B3GALT1: variants seen among roughly 807,000 people sequenced by gnomAD.
B3GALT1 encodes the protein beta-1,3-galactosyltransferase 1, also known as UDP-Gal:betaGlcNAc beta 1,3-galactosyltransferase, polypeptide 1.
Under a neutral mutation model 23.2 loss-of-function variants are expected in B3GALT1, and 10 were observed. That is an observed-to-expected ratio of 0.43 (90% CI 0.27 to 0.73). The LOEUF is 0.73. B3GALT1 is among the 30% of genes least tolerant of loss of function. The pLI is 0.21. For missense variants in B3GALT1, 299 were observed against 405.4 expected (o/e 0.74, Z 2.25); for synonymous variants, 156 against 141.5 (o/e 1.10, Z -0.73).
rs150527309 is a variant in B3GALT1, at chr2:167,448,346, T to G, written c.-510-41831T>G. Among the ~76,000 whole-genome samples the G allele has an allele frequency of 5.6e-3, 847 of 152,256 alleles. 8 individuals carry two copies. The highest frequency in any genetic ancestry group is 0.02 in the African/African-American group (811 of 41,558). Reference sequence around the variant, plus strand: ...GGAGTAAGGTGGTATTACATTGTGGTTTTGATTTGAATTTCCCTGTTCCAT... The same window carrying G: ...GGAGTAAGGTGGTATTACATTGTGGGTTTGATTTGAATTTCCCTGTTCCAT... On this transcript the variant is annotated intron_variant, in intron 1 of 4. Coordinates refer to ENST00000392690, the MANE Select transcript of B3GALT1 (RefSeq NM_020981.4).
intron 2 of B3GALT1, among the ~76,000 whole-genome samples, chr2:167,601,120 T>C (rs1684870219): frequency 6.6e-6 from 1 of 152,154 alleles, no homozygotes; most frequent in African/African-American, 2.4e-5. Flanking sequence ...AGTGCAGTGG[T>C]GCAATCTCTG....
intron 1 of B3GALT1, among the ~76,000 whole-genome samples, chr2:167,383,558 A>G (rs969259775): frequency 2.6e-5 from 4 of 152,194 alleles, no homozygotes; most frequent in African/African-American, 9.6e-5. Context: ...AAAATAACAC[A>G]TGATAGGAAA....
intron 1 of B3GALT1, among the ~76,000 whole-genome samples, chr2:167,370,934 GCAAA>G (rs773390511): frequency 1.6e-4 from 25 of 152,066 alleles, no homozygotes; most frequent in African/African-American, 5.1e-4. Flanking sequence ...TTAAAAACAA[GCAAA>G]CAAACAAACA....
At chr2:167,864,350 G>C (rs1690167843) in intron 4 of B3GALT1, among the ~76,000 whole-genome samples, 1 of 152,126 alleles carries the variant, frequency 6.6e-6, no homozygotes, top group Non-Finnish European at 1.5e-5. Context: ...CCCAGCCAAG[G>C]TTGAGACCAG....
At chr2:167,770,641 AT>A (rs1301424645) in intron 3 of B3GALT1, among the ~76,000 whole-genome samples, 7 of 151,902 alleles carry the variant, frequency 4.6e-5, no homozygotes, top group Admixed American at 1.3e-4. Flanking sequence ...TAATTTACCA[AT>A]TTTTTTTCAT....
At chr2:167,847,712 C>A (rs572781276) in intron 4 of B3GALT1, among the ~76,000 whole-genome samples, 1 of 151,966 alleles carries the variant, frequency 6.6e-6, no homozygotes, top group South Asian at 2.1e-4. Flanking sequence ...AAACCCAAAC[C>A]CATCAGAAGA....
chr2:167,408,556 T>A (rs896360482), intron 1 of B3GALT1, among the ~76,000 whole-genome samples: 1 of 152,028 alleles, frequency 6.6e-6, no homozygotes, highest in East Asian at 1.9e-4. Context: ...GATATCCAAA[T>A]TGGAAAGGAA....
chr2:167,638,397 A>G (rs547472413), intron 2 of B3GALT1, among the ~76,000 whole-genome samples: 1 of 152,196 alleles, frequency 6.6e-6, no homozygotes, highest in East Asian at 1.9e-4. Flanking sequence ...TTTTTCAATG[A>G]TCTTGTTTAA....
intron 2 of B3GALT1, among the ~76,000 whole-genome samples, chr2:167,502,352 A>G (rs1018982601): frequency 6.6e-6 from 1 of 152,168 alleles, no homozygotes; most frequent in Admixed American, 6.5e-5. Context: ...TATTCTAGGG[A>G]TATATTCACT....
At chr2:167,664,033 G>C (rs1425037853) in intron 3 of B3GALT1, among the ~76,000 whole-genome samples, 2 of 150,918 alleles carry the variant, frequency 1.3e-5, no homozygotes, top group East Asian at 3.9e-4. Context: ...TGAAGTCCTT[G>C]CCCATGCCTA....
chr2:167,648,854 T>G (rs1685804248), intron 3 of B3GALT1, among the ~76,000 whole-genome samples: 1 of 152,120 alleles, frequency 6.6e-6, no homozygotes, highest in Non-Finnish European at 1.5e-5. Context: ...GGATTTCAGC[T>G]TGGTTTTCCC....
chr2:167,438,761 A>G (rs549802477), intron 1 of B3GALT1, among the ~76,000 whole-genome samples: 22 of 152,324 alleles, frequency 1.4e-4, no homozygotes, highest in African/African-American at 5.1e-4. Flanking sequence ...TCCAGCTTAC[A>G]ACTCTTTCAG....
chr2:167,805,395 C>G (rs1688730555), intron 3 of B3GALT1, among the ~76,000 whole-genome samples: 1 of 152,158 alleles, frequency 6.6e-6, no homozygotes, highest in African/African-American at 2.4e-5. Context: ...GACATGAAGT[C>G]CTTGCCCCTG....
chr2:167,802,472 C>A (rs1004726365), intron 3 of B3GALT1, among the ~76,000 whole-genome samples: 3 of 152,108 alleles, frequency 2.0e-5, no homozygotes. Flanking sequence ...TCAAACAATA[C>A]AGAGGTCTAG....
chr2:167,580,468 A>T (rs1684463061), intron 2 of B3GALT1, among the ~76,000 whole-genome samples: 1 of 152,078 alleles, frequency 6.6e-6, no homozygotes, highest in Admixed American at 6.6e-5. Context: ...AACAAGCAGA[A>T]AACATCCCCC....
chr2:167,717,580 A>G (rs1395451969), intron 3 of B3GALT1, among the ~76,000 whole-genome samples: 3 of 152,040 alleles, frequency 2.0e-5, no homozygotes, highest in African/African-American at 7.2e-5. Flanking sequence ...TTGCAACATA[A>G]TATTCTACTT....
intron 1 of B3GALT1, among the ~76,000 whole-genome samples, chr2:167,366,566 A>G (rs1475345645): frequency 6.6e-6 from 1 of 152,146 alleles, no homozygotes; most frequent in Admixed American, 6.5e-5. Context: ...AGAGTCATTA[A>G]AAAAAGATCA....
At chr2:167,713,488 T>G (rs1687093994) in intron 3 of B3GALT1, among the ~76,000 whole-genome samples, 1 of 152,232 alleles carries the variant, frequency 6.6e-6, no homozygotes, top group African/African-American at 2.4e-5. Flanking sequence ...ACATTTTGTT[T>G]TTGTTTTTTT....
intron 3 of B3GALT1, among the ~76,000 whole-genome samples, chr2:167,800,203 C>T (rs1454144541): frequency 6.6e-5 from 10 of 152,118 alleles, no homozygotes; most frequent in Non-Finnish European, 1.2e-4. Context: ...CATTTTATTT[C>T]GTGGACATAA....
Sources: allele counts gnomAD v4.1 joint callset (sites outside exome capture counted in the v4.1 genomes callset), GRCh38; gene constraint gnomAD v4.1.1; transcripts MANE v1.5; gene names NCBI Gene and HGNC (gene_info 2026-07-23, HGNC 2026-07-21).